AP3M1: variants seen among roughly 807,000 people sequenced by gnomAD.
The protein encoded by AP3M1 is AP-3 complex subunit mu-1.
Under a neutral mutation model 42.6 loss-of-function variants are expected in AP3M1, and 29 were observed. That is an observed-to-expected ratio of 0.68 (90% confidence interval 0.51 to 0.93). AP3M1 has a LOEUF of 0.93. AP3M1 is among the 40% of genes least tolerant of loss of function. AP3M1 has a pLI of 0.00. For synonymous variants in AP3M1, 178 were observed against 175.3 expected (o/e 1.02, Z -0.12); for missense variants, 416 against 510.2 (o/e 0.82, Z 1.78).
At chr10:74,128,629 A>G (rs1251128643) in intron 6 of AP3M1, among the ~76,000 whole-genome samples, 1 of 152,120 alleles carries the variant, frequency 6.6e-6, no homozygotes, top group Non-Finnish European at 1.5e-5. Context: ...AACTACAGGT[A>G]GGTCTGTCTC....
At chr10:74,134,414 G>A (rs149906104) in intron 3 of AP3M1, among the ~76,000 whole-genome samples, 2,068 of 152,314 alleles carry the variant, frequency 0.014, 56 homozygotes, top group African/African-American at 0.047. Flanking sequence ...TGCCTCCTGT[G>A]TGTTAACAGT....
intron 6 of AP3M1, among the ~76,000 whole-genome samples, chr10:74,128,040 C>T (rs1840668371): frequency 7.4e-6 from 1 of 135,660 alleles, no homozygotes; most frequent in South Asian, 2.3e-4. Context: ...GTGGAGGTTG[C>T]AGTAAGCCGA....
At chr10:74,134,561 A>G in intron 3 of AP3M1, among the ~76,000 whole-genome samples, 1 of 152,222 alleles carries the variant, frequency 6.6e-6, no homozygotes, top group East Asian at 1.9e-4. Context: ...TTCAGTATTC[A>G]ACTTTATTTT....
rs1241202482 is a variant in AP3M1 at position 74,121,230 on chromosome 10, G to T, written c.*2580C>A. The T allele has an allele frequency of 6.6e-6, 1 of 152,156 alleles. No homozygotes were observed. Among genetic ancestry groups the T allele is most frequent in the Non-Finnish European group, 1.5e-5 (1 of 68,038 alleles). 9.4% of individuals were successfully genotyped at this position (152,156 alleles called of 1,614,324 possible). ...TGTTCACTGGTGCTGCCTTCCTGCT[G>T]TAGTATAATCATTTTCTCAAATCAG... On this transcript the variant is annotated 3_prime_UTR_variant, in exon 9 of 9. Transcript: ENST00000355264.
intron 7 of AP3M1, 30 bp downstream of exon 7, chr10:74,126,118 T>C (rs1840605675): frequency 6.2e-7 from 1 of 1,607,926 alleles, no homozygotes; most frequent in Non-Finnish European, 8.5e-7. Flanking sequence ...GCAGAAACAC[T>C]TGCTCACTCT....
At chr10:74,130,078 T>C (rs1279193338) in intron 4 of AP3M1, 86 bp from the exon 5 acceptor site, 1 of 977,548 alleles carries the variant, frequency 1.0e-6, no homozygotes. Context: ...TATTTTTATT[T>C]ATTGTTTTTA....
intron 1 of AP3M1, among the ~76,000 whole-genome samples, chr10:74,143,421 T>C (rs1186735926): frequency 6.6e-6 from 1 of 152,142 alleles, no homozygotes. Context: ...AGCTAGTTTT[T>C]CTGTTTTTAG....
intron 8 of AP3M1, 93 bp from the exon 9 acceptor site, chr10:74,124,003 C>T (rs755694013): frequency 1.3e-5 from 14 of 1,069,670 alleles, no homozygotes; most frequent in Non-Finnish European, 1.7e-5. Flanking sequence ...TGACATTAAC[C>T]AGTGTCCCTT....
intron 8 of AP3M1, 144 bp downstream of exon 8, chr10:74,124,228 TGCCTGTGA>T: frequency 1.1e-6 from 1 of 909,226 alleles, no homozygotes; most frequent in South Asian, 1.9e-5. Flanking sequence ...ATTTGGTCGG[TGCCTGTGA>T]GACTGCCCCA....
At chr10:74,138,967 A>C (rs1841038465) in intron 1 of AP3M1, 1 of 151,266 alleles carries the variant, frequency 6.6e-6, no homozygotes, top group Non-Finnish European at 1.5e-5. Context: ...AAATTTCCTT[A>C]ACCTGATGAA....
Position 74,121,549 on chromosome 10 carries a change from C to G in AP3M1, c.*2261G>C, listed in dbSNP as rs1840460973. The G allele has an allele frequency of 6.6e-6, 1 of 152,200 alleles. No homozygotes were observed. The highest frequency in any genetic ancestry group is 1.9e-4 in the East Asian group (1 of 5,200). 9.4% of individuals were successfully genotyped at this position (152,200 alleles called of 1,614,324 possible). On this transcript the variant is annotated 3_prime_UTR_variant, in exon 9 of 9. Transcript: ENST00000355264. Reference sequence around the variant, plus strand: ...GGAAGGGAGCTTTGATCACTAATCTCTCAGACTGTGGCCAGAATGGTGATG... The same window carrying G: ...GGAAGGGAGCTTTGATCACTAATCTGTCAGACTGTGGCCAGAATGGTGATG...
At chr10:74,139,767 C>A (rs182798414) in intron 1 of AP3M1, among the ~76,000 whole-genome samples, 1 of 152,042 alleles carries the variant, frequency 6.6e-6, no homozygotes, top group Non-Finnish European at 1.5e-5. Flanking sequence ...ATTAGCCAGG[C>A]GTGGTGGCAC....
chr10:74,128,674 A>G (rs1840689342), intron 6 of AP3M1, among the ~76,000 whole-genome samples: 1 of 151,984 alleles, frequency 6.6e-6, no homozygotes, highest in Non-Finnish European at 1.5e-5. Flanking sequence ...CTATGGTAAG[A>G]TTATGGCAAT....
chr10:74,150,047 CCT>C (rs1366026189), intron 1 of AP3M1, among the ~76,000 whole-genome samples: 1 of 152,200 alleles, frequency 6.6e-6, no homozygotes, highest in Non-Finnish European at 1.5e-5. Context: ...TACTTCTTAC[CCT>C]TTTATATGAA....
At position 74,124,266 on chromosome 10, in the gene AP3M1, C is replaced by T. The variant is rs1247600418; in HGVS notation, c.1156+114G>A. On this transcript the variant is annotated intron_variant, in intron 8 of 8. Coordinates refer to ENST00000355264, the MANE Select transcript of AP3M1 (RefSeq NM_012095.6). ...GCCCCACCAAGCACAGTATAAAAGGCAAATGGGCTACTGCTCTTTCTAGAG... is the reference window on the plus strand; with the variant it reads ...GCCCCACCAAGCACAGTATAAAAGGTAAATGGGCTACTGCTCTTTCTAGAG... 5.3e-6 allele frequency: 7 copies of T among 1,328,332 alleles called. No individual in the cohort carries two copies. In the African/African-American group the frequency reaches 1.0e-4, roughly 20 times the overall value. 82.3% of individuals were successfully genotyped at this position (1,328,332 alleles called of 1,614,324 possible).
intron 1 of AP3M1, among the ~76,000 whole-genome samples, chr10:74,142,733 T>G (rs149215309): frequency 1.3e-5 from 2 of 152,314 alleles, no homozygotes; most frequent in East Asian, 3.9e-4. Context: ...GTGTCTTATA[T>G]TTCTGTCTGG....
At chr10:74,143,836 A>T (rs1345135186) in intron 1 of AP3M1, among the ~76,000 whole-genome samples, 1 of 152,242 alleles carries the variant, frequency 6.6e-6, no homozygotes, top group East Asian at 1.9e-4. Flanking sequence ...ACTGTCCAAC[A>T]GGGCTTTCTG....
chr10:74,137,239 C>CAAACAAAACAAAACAAAACA (rs374186440), intron 2 of AP3M1, among the ~76,000 whole-genome samples: 3 of 151,146 alleles, frequency 2.0e-5, no homozygotes, highest in East Asian at 1.9e-4. Flanking sequence ...GACTCCGTCT[C>CAAACAAAACAAAACAAAACA]AAACAAAACA....
At chr10:74,145,326 A>G (rs1365363144) in intron 1 of AP3M1, among the ~76,000 whole-genome samples, 1 of 152,240 alleles carries the variant, frequency 6.6e-6, no homozygotes, top group African/African-American at 2.4e-5. Context: ...CTCAGAATAC[A>G]GAAAGTTAAA....
Sources: allele counts gnomAD v4.1 joint callset (sites outside exome capture counted in the v4.1 genomes callset), GRCh38; gene constraint gnomAD v4.1.1; transcripts MANE v1.5; gene names NCBI Gene and HGNC (gene_info 2026-07-23, HGNC 2026-07-21).